The following RBFOX1 variants were observed in gnomAD, a reference collection of about 807,000 sequenced individuals.
The protein encoded by RBFOX1 is RNA binding fox-1 homolog 1.
Under a neutral mutation model 57.7 loss-of-function variants are expected in RBFOX1, and 8 were observed. That is an observed-to-expected ratio of 0.14 (90% CI 0.08 to 0.25). RBFOX1 has a LOEUF of 0.25. RBFOX1 is among the 10% of genes least tolerant of loss of function. The pLI, the probability that RBFOX1 is intolerant of heterozygous loss-of-function variation, is 1.00. For synonymous variants in RBFOX1, 326 were observed against 222.4 expected (o/e 1.47, Z -4.15); for missense variants, 611 against 548.5 (o/e 1.11, Z -1.14).
intron 10 of RBFOX1, among the ~76,000 whole-genome samples, chr16:7,624,377 A>G (rs2142197034): frequency 6.6e-6 from 1 of 152,354 alleles, no homozygotes; most frequent in Middle Eastern, 3.4e-3. Context: ...TATCTTAGTG[A>G]GCAGTGTGAC....
At chr16:6,612,198 G>C (rs1373575502) in intron 2 of RBFOX1, among the ~76,000 whole-genome samples, 4 of 152,080 alleles carry the variant, frequency 2.6e-5, no homozygotes, top group Non-Finnish European at 4.4e-5. Flanking sequence ...TTTAGACTCA[G>C]GGTAAGTTTA....
chr16:5,538,101 G>C (rs2044772807), intron 2 of RBFOX1, among the ~76,000 whole-genome samples: 1 of 152,184 alleles, frequency 6.6e-6, no homozygotes, highest in Non-Finnish European at 1.5e-5. Flanking sequence ...GCACAAAGTT[G>C]TGGTTGACTC....
In RBFOX1 at chr16:6,051,099, T is replaced by C. The variant is rs1438502045; in HGVS notation, c.-127+31107T>C. Among the ~76,000 whole-genome samples the C allele has an allele frequency of 4.6e-5, 7 of 150,886 alleles. No individual in the cohort carries two copies. The Admixed American group carries it at 4.6e-4, about 10-fold the overall frequency. On this transcript the variant is annotated intron_variant, in intron 1 of 15. Transcript: ENST00000550418. ...TCTGTTAGGTTGGTACAAAAGTAAT[T>C]GCAGTTTTTTCCCATTAAAAGTGGT...
chr16:5,317,514 A>C (rs1919063), intron 1 of RBFOX1, among the ~76,000 whole-genome samples: 141,971 of 152,202 alleles, frequency 0.93, 67,001 homozygotes, highest in East Asian at 1. Context: ...GAGACTGAGG[A>C]ACGAGAATCG....
intron 14 of RBFOX1, among the ~76,000 whole-genome samples, chr16:7,706,188 A>C (rs1279143325): frequency 6.6e-6 from 1 of 152,196 alleles, no homozygotes; most frequent in Admixed American, 6.5e-5. Flanking sequence ...GGGCGTGTTC[A>C]GAAATTAGCA....
At chr16:6,037,674 A>C (rs1444869355) in intron 1 of RBFOX1, 1 of 151,806 alleles carries the variant, frequency 6.6e-6, no homozygotes, top group African/African-American at 2.4e-5. Flanking sequence ...GGCTCACTGC[A>C]ACCTCCGCCT....
intron 3 of RBFOX1, among the ~76,000 whole-genome samples, chr16:5,867,118 A>G (rs553573262): frequency 6.6e-6 from 1 of 151,734 alleles, no homozygotes; most frequent in East Asian, 1.9e-4. Flanking sequence ...GGATAAACAA[A>G]TCATGTTGCT....
intron 5 of RBFOX1, among the ~76,000 whole-genome samples, chr16:7,562,101 C>A (rs897212769): frequency 1.3e-5 from 2 of 152,126 alleles, no homozygotes; most frequent in East Asian, 1.9e-4. Flanking sequence ...AGCTAGAGAA[C>A]AATGCAGCTC....
chr16:6,486,195 T>G (rs935439535), intron 2 of RBFOX1, among the ~76,000 whole-genome samples: 13 of 151,650 alleles, frequency 8.6e-5, no homozygotes, highest in Admixed American at 3.3e-4. Context: ...GTATATGACT[T>G]TTGTTTTGAG....
chr16:6,554,855 C>T (rs557660918), intron 2 of RBFOX1, among the ~76,000 whole-genome samples: 2 of 148,302 alleles, frequency 1.3e-5, no homozygotes, highest in East Asian at 1.9e-4. Context: ...CACTCTCGCT[C>T]TGTCGCTCTC....
Position 6,019,862 on chromosome 16 carries a change from G to A in RBFOX1, c.-257G>A, listed in dbSNP as rs932262383. 7 of 1,534,026 alleles carry A rather than the reference G, an allele frequency of 4.6e-6. No individual in the cohort carries two copies. In the South Asian group the frequency reaches 4.8e-5, roughly 10 times the overall value. The stretch of plus-strand genomic sequence containing the variant: ...CTGCCCGCGAAGTTGCGGACAGTGC[G>A]TGAGAAACCAGCACCCCCTTCCGCC... On this transcript the variant is annotated 5_prime_UTR_variant, in exon 1 of 16. In the 5' UTR this introduces an upstream ATG that the reference lacks. Transcript: ENST00000550418. This position sits in a 1 kb window ranked among gnomAD's most constrained non-coding sequence, Gnocchi z 4.2.
At chr16:6,170,618 G>A (rs573657829) in intron 1 of RBFOX1, among the ~76,000 whole-genome samples, 1 of 152,248 alleles carries the variant, frequency 6.6e-6, no homozygotes, top group East Asian at 1.9e-4. Context: ...TTTAGGCTCA[G>A]GGGTGCATAA....
intron 1 of RBFOX1, among the ~76,000 whole-genome samples, chr16:6,180,022 T>TG (rs1234245332): frequency 6.6e-6 from 1 of 152,218 alleles, no homozygotes; most frequent in Non-Finnish European, 1.5e-5. Context: ...TTTCCATGTG[T>TG]GGCTGCATTT....
chr16:6,632,428 C>T (rs963299316), intron 2 of RBFOX1, among the ~76,000 whole-genome samples: 2 of 152,094 alleles, frequency 1.3e-5, no homozygotes, highest in Non-Finnish European at 2.9e-5. Flanking sequence ...AGTGACTTAC[C>T]TGAGAATGAT....
chr16:6,611,690 C>T (rs758039801), intron 2 of RBFOX1, among the ~76,000 whole-genome samples: 1 of 152,158 alleles, frequency 6.6e-6, no homozygotes, highest in Non-Finnish European at 1.5e-5. Flanking sequence ...TCCGGCTTAC[C>T]TTGTCCGTGG....
intron 2 of RBFOX1, among the ~76,000 whole-genome samples, chr16:6,562,175 T>G (rs568783301): frequency 7.8e-4 from 119 of 152,220 alleles, no homozygotes; most frequent in Non-Finnish European, 1.5e-3. Flanking sequence ...AGTCAAGAGT[T>G]TGTGGCTCTG....
chr16:5,527,218 C>T (rs937448859), intron 2 of RBFOX1, among the ~76,000 whole-genome samples: 1 of 152,162 alleles, frequency 6.6e-6, no homozygotes, highest in East Asian at 1.9e-4. Context: ...CTGATGAGGA[C>T]CCGCGATGGG....
At chr16:5,962,209 A>G (rs899142375) in intron 4 of RBFOX1, among the ~76,000 whole-genome samples, 13 of 151,928 alleles carry the variant, frequency 8.6e-5, no homozygotes, top group Non-Finnish European at 1.8e-4. Context: ...AGTCACATTC[A>G]CTCTTTATAC....
intron 4 of RBFOX1, among the ~76,000 whole-genome samples, chr16:5,885,741 GATTTTCTTAC>G (rs1319376568): frequency 1.3e-5 from 2 of 152,120 alleles, no homozygotes; most frequent in Non-Finnish European, 2.9e-5. Context: ...GGCAGGAAGT[GATTTTCTTAC>G]TTAGGCATTC....
Sources: gnomAD v4.1 joint callset for allele counts (sites outside exome capture counted in the v4.1 genomes callset) on GRCh38, gnomAD v4.1.1 for gene constraint, Gnocchi (gnomAD v3.1) non-coding constraint, MANE v1.5 for transcripts, NCBI Gene and HGNC (gene_info 2026-07-23, HGNC 2026-07-21) for gene names.